GNAL: variants seen among roughly 807,000 people sequenced by gnomAD.
The protein encoded by GNAL is G protein subunit alpha L, also known as guanine nucleotide-binding protein G(olf) subunit alpha.
In GNAL, 18 loss-of-function variants were observed where a neutral mutation model predicts 55.1. The observed-to-expected ratio is 0.33, with a 90% CI of 0.23 to 0.48. The LOEUF is 0.48. GNAL is among the 20% of genes least tolerant of loss of function. The pLI is 0.99. For missense variants in GNAL, 412 were observed against 614.1 expected, an observed-to-expected ratio of 0.67 and a Z score of 3.48; for synonymous variants, 253 against 237.0, an observed-to-expected ratio of 1.07 and a Z score of -0.62.
rs566900705 is a variant in GNAL, at chr18:11,701,305, T to G, written c.376+11366T>G. ...TCAATGTTTGTACACAAATGCATAA[T>G]GCTGGCCAGGCGCGGTGGCTCACAC... On this transcript the variant is annotated intron_variant, in intron 1 of 11. Coordinates refer to ENST00000334049, the MANE Select transcript of GNAL (RefSeq NM_182978.4). Among the ~76,000 whole-genome samples the G allele has an allele frequency of 1.2e-3, 177 of 152,198 alleles. 1 individual carries two copies. Among genetic ancestry groups the G allele is most frequent in the African/African-American group, 4.1e-3 (169 of 41,528 alleles).
At chr18:11,834,517 C>G (rs2035458135) in intron 5 of GNAL, among the ~76,000 whole-genome samples, 1 of 151,782 alleles carries the variant, frequency 6.6e-6, no homozygotes, top group African/African-American at 2.4e-5. Context: ...CCCAGGAGTT[C>G]AAGACCAGCC....
intron 1 of GNAL, 135 bp downstream of exon 1, chr18:11,690,074 C>CCGGACGGGCGGCGGGCG (rs1598395176): frequency 2.3e-6 from 1 of 434,824 alleles, no homozygotes; most frequent in Non-Finnish European, 3.6e-6. Flanking sequence ...GGGACTGGAC[C>CCGGACGGGCGGCGGGCG]CGGACGGGCG....
chr18:11,731,543 G>A (rs1034449690), intron 1 of GNAL, among the ~76,000 whole-genome samples: 22 of 152,284 alleles, frequency 1.4e-4, no homozygotes, highest in Middle Eastern at 3.4e-3. Flanking sequence ...TTTAGTTTAC[G>A]ATAGGTCGAA....
intron 4 of GNAL, among the ~76,000 whole-genome samples, chr18:11,762,054 G>A (rs1166952538): frequency 6.6e-6 from 1 of 152,182 alleles, no homozygotes; most frequent in African/African-American, 2.4e-5. Context: ...AAAATAGATG[G>A]TGCGTGAGGC....
At chr18:11,873,155 C>T (rs1442978843) in intron 10 of GNAL, among the ~76,000 whole-genome samples, 2 of 152,244 alleles carry the variant, frequency 1.3e-5, no homozygotes, top group South Asian at 2.1e-4. Flanking sequence ...AATAACACCG[C>T]TTCTTACATC....
At chr18:11,878,096 C>T (rs992940795) in intron 11 of GNAL, among the ~76,000 whole-genome samples, 2 of 152,196 alleles carry the variant, frequency 1.3e-5, no homozygotes, top group Admixed American at 1.3e-4. Flanking sequence ...CAAGAAAATG[C>T]TGTTCTAATG....
intron 5 of GNAL, among the ~76,000 whole-genome samples, chr18:11,845,248 T>C (rs1300346781): frequency 2.6e-5 from 4 of 152,186 alleles, no homozygotes; most frequent in Non-Finnish European, 4.4e-5. Flanking sequence ...TCCATATTCC[T>C]TCAGAGGTGG....
intron 5 of GNAL, among the ~76,000 whole-genome samples, chr18:11,856,356 G>A (rs2036008458): frequency 6.6e-6 from 1 of 151,352 alleles, no homozygotes; most frequent in Non-Finnish European, 1.5e-5. Context: ...CTGGTGTGGT[G>A]CCTCCCACAG....
chr18:11,689,786 C>T lies in GNAL; in HGVS notation c.223C>T (p.Arg75Trp). 6.5e-7 allele frequency: 1 copy of T among 1,532,064 alleles called. No homozygotes were observed. The highest frequency in any genetic ancestry group is 8.8e-7 in the Non-Finnish European group (1 of 1,142,658). 94.9% of individuals were successfully genotyped at this position (1,532,064 alleles called of 1,614,324 possible). ...RPKADKPKEK[R>W]QRTEQLSAEE... ...CAAAGCAGACAAGCCGAAGGAGAAGCGGCAGCGCACCGAGCAGCTGAGTGC... is the reference window on the plus strand; with the variant it reads ...CAAAGCAGACAAGCCGAAGGAGAAGTGGCAGCGCACCGAGCAGCTGAGTGC... The change falls in exon 1 of 12, where the codon CGG becomes TGG. Residue 75 changes from arginine (R) to tryptophan (W), a missense_variant. Transcript: ENST00000334049.
Position 11,746,068 on chromosome 18 carries a change from C to A in GNAL, c.377-6785C>A. The A allele has an allele frequency of 6.8e-6, 3 of 440,112 alleles. No homozygotes were observed. In the East Asian group the frequency reaches 1.7e-4, roughly 24 times the overall value. The allele number at this position is 440,112 out of a possible 1,614,324, so 27.3% of individuals were successfully genotyped here. On this transcript the variant is annotated intron_variant, in intron 1 of 11. Coordinates refer to ENST00000334049, the MANE Select transcript of GNAL (RefSeq NM_182978.4). ...TGGATTTTGGTTGTGTCTTCAGAAGCTGAAGTTCTTGTTCCATTGGAGCAC... is the reference window on the plus strand; with the variant it reads ...TGGATTTTGGTTGTGTCTTCAGAAGATGAAGTTCTTGTTCCATTGGAGCAC...
Position 11,752,761 on chromosome 18 carries a change from T to G in GNAL, c.377-92T>G. 3.5e-6 allele frequency: 4 copies of G among 1,148,000 alleles called. No individual in the cohort carries two copies. Among genetic ancestry groups the G allele is most frequent in the Non-Finnish European group, 5.2e-6 (4 of 769,956 alleles). The allele number at this position is 1,148,000 out of a possible 1,614,324, so 71.1% of individuals were successfully genotyped here. A position where few individuals can be genotyped will look rare whatever the true frequency, so the allele number is the denominator to read the frequency against. ...ACCCGCGTGTAGGAAATCCCCGTGC[T>G]GGGGGAGGAGGATTGCTCAGACCCG... On this transcript the variant is annotated intron_variant, in intron 1 of 11. Coordinates refer to ENST00000334049, the MANE Select transcript of GNAL (RefSeq NM_182978.4). This position sits in a 1 kb window ranked among gnomAD's most constrained non-coding sequence, Gnocchi z 4.5.
At chr18:11,755,370 T>C (rs2033016778) in intron 4 of GNAL, among the ~76,000 whole-genome samples, 1 of 151,934 alleles carries the variant, frequency 6.6e-6, no homozygotes, top group African/African-American at 2.4e-5. Flanking sequence ...GCCTCCCGGG[T>C]TCACGCCATT....
chr18:11,758,191 A>G (rs531820063), intron 4 of GNAL, among the ~76,000 whole-genome samples: 1 of 152,296 alleles, frequency 6.6e-6, no homozygotes, highest in East Asian at 1.9e-4. Context: ...CCAACTCCCC[A>G]CTTGAGAAGG....
At chr18:11,845,779 GAGAGAGAGAA>G (rs1353626353) in intron 5 of GNAL, among the ~76,000 whole-genome samples, 2 of 149,390 alleles carry the variant, frequency 1.3e-5, no homozygotes, top group Non-Finnish European at 1.5e-5. Context: ...AAGAGAGAGA[GAGAGAGAGAA>G]AGAGAGAGGG....
At chr18:11,813,148 A>C (rs1020860781) in intron 4 of GNAL, among the ~76,000 whole-genome samples, 2 of 151,364 alleles carry the variant, frequency 1.3e-5, no homozygotes, top group African/African-American at 4.9e-5. Flanking sequence ...CCAGCTACTC[A>C]GGAGGCTGAG....
At chr18:11,874,281 C>G (rs1368308279) in intron 10 of GNAL, 1 of 152,226 alleles carries the variant, frequency 6.6e-6, no homozygotes, top group East Asian at 1.9e-4. Flanking sequence ...AAGCCTGGGA[C>G]CACCATCAAC....
intron 4 of GNAL, among the ~76,000 whole-genome samples, chr18:11,788,090 C>A (rs1284234076): frequency 3.3e-5 from 5 of 152,108 alleles, no homozygotes; most frequent in Non-Finnish European, 7.4e-5. Context: ...CGTAATCGGG[C>A]CTTAGATATC....
At chr18:11,823,169 G>A (rs145855367) in intron 4 of GNAL, among the ~76,000 whole-genome samples, 2 of 152,112 alleles carry the variant, frequency 1.3e-5, no homozygotes, top group African/African-American at 2.4e-5. Context: ...TGACGTGTGC[G>A]TGTGTATGGA....
At chr18:11,867,833 T>TA (rs1028908289) in intron 8 of GNAL, among the ~76,000 whole-genome samples, 8 of 134,046 alleles carry the variant, frequency 6.0e-5, no homozygotes, top group African/African-American at 2.2e-4. Flanking sequence ...ATAATAATAA[T>TA]AAAAAAATTA....
Sources: gnomAD v4.1 joint callset for allele counts (sites outside exome capture counted in the v4.1 genomes callset) on GRCh38, gnomAD v4.1.1 for gene constraint, Gnocchi (gnomAD v3.1) non-coding constraint, MANE v1.5 for transcripts, NCBI Gene and HGNC (gene_info 2026-07-23, HGNC 2026-07-21) for gene names.